The following NUP93 variants were observed in gnomAD, a reference collection of about 807,000 sequenced individuals.
The protein encoded by NUP93 is nucleoporin 93, also known as nuclear pore complex protein Nup93.
NUP93 carries 55 observed loss-of-function variants against 107.8 expected under a neutral mutation model. That is an observed-to-expected ratio of 0.51 (90% CI 0.41 to 0.64). NUP93 has a LOEUF of 0.64. Among genes scored for constraint, NUP93 ranks in the 30% least tolerant of loss-of-function variants. The probability of loss-of-function intolerance (pLI) is 0.00; values close to 1 mark genes in which losing one functional copy is unlikely to be tolerated. For synonymous variants in NUP93, 390 were observed against 397.5 expected (o/e 0.98, Z 0.22); for missense variants, 937 against 1,044.7 (o/e 0.90, Z 1.42).
intron 5 of NUP93, among the ~76,000 whole-genome samples, chr16:56,817,694 G>T (rs1442164491): frequency 2.0e-5 from 3 of 152,138 alleles, no homozygotes; most frequent in Non-Finnish European, 4.4e-5. Context: ...TTGCATATGT[G>T]ATGGTGGCTG....
intron 4 of NUP93, 88 bp downstream of exon 4, chr16:56,798,626 G>T: frequency 2.8e-6 from 3 of 1,080,400 alleles, no homozygotes; most frequent in South Asian, 1.3e-5. Flanking sequence ...CTAACACTTT[G>T]GGAGGCTGAT....
At position 56,847,172 on chromosome 16, in the gene NUP93, C is replaced by T. The variant is rs1263486884; in HGVS notation, c.*2563C>T. 1 of 152,180 alleles carries T rather than the reference C, an allele frequency of 6.6e-6. No individual in the cohort carries two copies. The highest frequency in any genetic ancestry group is 2.4e-5 in the African/African-American group (1 of 41,434). 9.4% of individuals were successfully genotyped at this position (152,180 alleles called of 1,614,324 possible). On this transcript the variant is annotated 3_prime_UTR_variant, in exon 22 of 22. Coordinates refer to ENST00000308159, the MANE Select transcript of NUP93 (RefSeq NM_014669.5). ...GCCAGGACTCGGATGGAGCAAATCC[C>T]AGTTCTTGTCCTACAAGCTGATTGT...
chr16:56,839,905 C>T (rs1461345787), intron 20 of NUP93: 19 of 365,222 alleles, frequency 5.2e-5, no homozygotes, highest in Admixed American at 4.3e-4. Flanking sequence ...TTCTATTATC[C>T]GCTTGTGCTA....
At chr16:56,749,984 C>G (rs145497475) in intron 2 of NUP93, among the ~76,000 whole-genome samples, 2 of 152,316 alleles carry the variant, frequency 1.3e-5, no homozygotes, top group East Asian at 3.9e-4. Context: ...GCAGTTACCC[C>G]CAGTCTTGAG....
intron 20 of NUP93, among the ~76,000 whole-genome samples, chr16:56,841,334 T>C (rs941205484): frequency 6.6e-6 from 1 of 150,610 alleles, no homozygotes; most frequent in Admixed American, 6.7e-5. Context: ...TGTGGAGAAG[T>C]AGCGTGTGCA....
At position 56,845,179 on chromosome 16, in the gene NUP93, G is replaced by C. The variant is rs148619323; in HGVS notation, c.*570G>C. ...TCAGCTCTGATTGCAGGATTCATCA[G>C]TTTGCCGTTCTGTTGCAATCCCAGT... On this transcript the variant is annotated 3_prime_UTR_variant, in exon 22 of 22. Transcript: ENST00000308159. The C allele has an allele frequency of 5.7e-6, 1 of 176,430 alleles. No homozygotes were observed. Among genetic ancestry groups the C allele is most frequent in the Non-Finnish European group, 1.2e-5 (1 of 82,458 alleles). The allele number at this position is 176,430 out of a possible 1,614,324, so 10.9% of individuals were successfully genotyped here.
intron 3 of NUP93, among the ~76,000 whole-genome samples, chr16:56,783,161 AT>A (rs1290232868): frequency 1.3e-5 from 2 of 152,212 alleles, no homozygotes; most frequent in Non-Finnish European, 2.9e-5. Flanking sequence ...GATGATGCAT[AT>A]GGCTTTTTAT....
rs1388281368 is a variant in NUP93 at position 56,850,225 on chromosome 16, C to G, written c.*5616C>G. 6.6e-6 allele frequency: 1 copy of G among 152,234 alleles called. No homozygotes were observed. The highest frequency in any genetic ancestry group is 2.4e-5 in the African/African-American group (1 of 41,442). 9.4% of individuals were successfully genotyped at this position (152,234 alleles called of 1,614,324 possible). ...CTGTACAGTAACTTCTGCATTTACT[C>G]TGTTTAGGATGGTTCCTTCACCACT... is the stretch of plus-strand genomic sequence containing the variant. On this transcript the variant is annotated 3_prime_UTR_variant, in exon 22 of 22. Coordinates refer to ENST00000308159, the MANE Select transcript of NUP93 (RefSeq NM_014669.5).
rs533248967 is a variant in NUP93 at position 56,735,613 on chromosome 16, G to A, written c.-15+5402G>A. Among the ~76,000 whole-genome samples, 4 of 152,310 alleles carry A rather than the reference G, an allele frequency of 2.6e-5. No homozygotes were observed. The East Asian group carries it at 7.7e-4, about 29-fold the overall frequency. On this transcript the variant is annotated intron_variant, in intron 1 of 21. Coordinates refer to ENST00000308159, the MANE Select transcript of NUP93 (RefSeq NM_014669.5). ...TATTCCTAGCACTTTGGGAGGCCAA[G>A]GCGAGCGGATCACTTGAGGTCAGGA...
chr16:56,837,790 C>A, intron 18 of NUP93, 64 bp downstream of exon 18: 1 of 1,222,558 alleles, frequency 8.2e-7, no homozygotes, highest in Non-Finnish European at 1.2e-6. Context: ...GCCACCTATG[C>A]CCACCCAAAT....
At chr16:56,795,171 A>G (rs1241342431) in intron 3 of NUP93, among the ~76,000 whole-genome samples, 1 of 152,044 alleles carries the variant, frequency 6.6e-6, no homozygotes, top group African/African-American at 2.4e-5. Flanking sequence ...GCATAGCGGC[A>G]GCCACAAAAA....
In NUP93 at chr16:56,812,570, C is replaced by T. The variant is rs370391073; in HGVS notation, c.490-6094C>T. ...GTGTTAGCCAGGATGGTCTGGATCT[C>T]CTGACCTTGTGATCTGCCCGCCTCG... On this transcript the variant is annotated intron_variant, in intron 5 of 21. Transcript: ENST00000308159. Among the ~76,000 whole-genome samples, 13 of 152,150 alleles carry T rather than the reference C, an allele frequency of 8.5e-5. No homozygotes were observed. In the South Asian group the frequency reaches 2.1e-3, roughly 24 times the overall value.
chr16:56,836,425 A>G (rs1470039129), intron 16 of NUP93, among the ~76,000 whole-genome samples, 176 bp from the exon 17 acceptor site: 2 of 152,196 alleles, frequency 1.3e-5, no homozygotes, highest in African/African-American at 2.4e-5. Flanking sequence ...TATAGTTTTA[A>G]TAGGACTTTA....
intron 3 of NUP93, among the ~76,000 whole-genome samples, chr16:56,793,362 A>G (rs1962811151): frequency 6.6e-6 from 1 of 152,006 alleles, no homozygotes; most frequent in African/African-American, 2.4e-5. Flanking sequence ...TGTTGATGGG[A>G]ATGAAGGGAT....
At chr16:56,821,238 C>T (rs2144609191) in intron 6 of NUP93, among the ~76,000 whole-genome samples, 1 of 152,308 alleles carries the variant, frequency 6.6e-6, no homozygotes, top group Admixed American at 6.5e-5. Context: ...CTCACTAGGA[C>T]AGAGGCACAG....
chr16:56,761,202 C>T (rs980841316), intron 3 of NUP93, among the ~76,000 whole-genome samples: 8 of 152,168 alleles, frequency 5.3e-5, no homozygotes, highest in East Asian at 1.9e-4. Context: ...GGGGGAACTC[C>T]GTTTTATCAA....
chr16:56,768,638 G>A (rs1248155821), intron 3 of NUP93, among the ~76,000 whole-genome samples: 7 of 151,666 alleles, frequency 4.6e-5, no homozygotes, highest in African/African-American at 1.7e-4. Context: ...AGGCCAAGGC[G>A]GGCGGATCAC....
At position 56,785,374 on chromosome 16, in the gene NUP93, T is replaced by C. The variant is rs192053232; in HGVS notation, c.298-13102T>C. 1.1e-3 allele frequency among the ~76,000 whole-genome samples: 173 copies of C among 152,300 alleles called. 1 individual carries two copies. The Middle Eastern group carries it at 0.024, about 21-fold the overall frequency. On this transcript the variant is annotated intron_variant, in intron 3 of 21. Coordinates refer to ENST00000308159, the MANE Select transcript of NUP93 (RefSeq NM_014669.5). ...CTTCCTGCTTTCTTTGCCTCCACCA[T>C]GGTCTACTCAAGTTTGGCTGCTCGG... is the stretch of plus-strand genomic sequence containing the variant.
rs79516116 is a variant in NUP93 at position 56,796,481 on chromosome 16, C to G, written c.298-1995C>G. ...ATGAAATCGCCTAGTAGGAGCCTTT[C>G]TCTGAATGTATCCCTGTTATTAAAT... On this transcript the variant is annotated intron_variant, in intron 3 of 21. Coordinates refer to ENST00000308159, the MANE Select transcript of NUP93 (RefSeq NM_014669.5). Among the ~76,000 whole-genome samples the G allele has an allele frequency of 6.0e-3, 920 of 152,308 alleles. 13 individuals carry two copies. The highest frequency in any genetic ancestry group is 0.021 in the African/African-American group (878 of 41,550).
Sources: allele counts gnomAD v4.1 joint callset (sites outside exome capture counted in the v4.1 genomes callset), GRCh38; gene constraint gnomAD v4.1.1; transcripts MANE v1.5; gene names NCBI Gene and HGNC (gene_info 2026-07-23, HGNC 2026-07-21).